CSMD1: variants seen among roughly 807,000 people sequenced by gnomAD.
The protein encoded by CSMD1 is CUB and sushi domain-containing protein 1.
CSMD1 carries 213 observed loss-of-function variants against 417.5 expected under a neutral mutation model. The observed-to-expected ratio is 0.51, with a 90% CI of 0.46 to 0.57. The LOEUF (loss-of-function observed/expected upper bound fraction) is 0.57. Among genes scored for constraint, CSMD1 ranks in the 20% least tolerant of loss-of-function variants. The pLI is 0.00. For missense variants in CSMD1, 6,923 were observed against 4,529.7 expected, an observed-to-expected ratio of 1.53 and a Z score of -15.17; for synonymous variants, 2,862 against 1,736.8, an observed-to-expected ratio of 1.65 and a Z score of -16.11.
At chr8:3,409,923 G>A (rs914331738) in intron 12 of CSMD1, among the ~76,000 whole-genome samples, 2 of 152,168 alleles carry the variant, frequency 1.3e-5, no homozygotes, top group Non-Finnish European at 2.9e-5. Context: ...ATCTGCAATT[G>A]CTACTACTAA....
intron 26 of CSMD1, among the ~76,000 whole-genome samples, chr8:3,283,520 C>G (rs190769957): frequency 6.8e-6 from 1 of 146,252 alleles, no homozygotes; most frequent in East Asian, 2.1e-4. Context: ...CAAAATTTTC[C>G]TTTGATACTG....
intron 3 of CSMD1, among the ~76,000 whole-genome samples, chr8:4,288,379 C>G (rs1308365497): frequency 1.3e-5 from 2 of 152,166 alleles, no homozygotes; most frequent in Non-Finnish European, 2.9e-5. Context: ...GAGAGGCTAT[C>G]TTACAAGAAT....
intron 3 of CSMD1, among the ~76,000 whole-genome samples, chr8:4,282,554 G>A (rs566988784): frequency 1.3e-5 from 2 of 152,288 alleles, no homozygotes; most frequent in South Asian, 2.1e-4. Context: ...GTTTTTCTAT[G>A]CAGCACCATA....
At chr8:4,536,845 C>T (rs1375815860) in intron 2 of CSMD1, among the ~76,000 whole-genome samples, 4 of 152,158 alleles carry the variant, frequency 2.6e-5, no homozygotes, top group Admixed American at 2.6e-4. Context: ...AGGGGTGTCA[C>T]CTTTTGCATT....
chr8:3,728,615 T>C (rs542452794), intron 6 of CSMD1, among the ~76,000 whole-genome samples: 2 of 152,224 alleles, frequency 1.3e-5, no homozygotes, highest in South Asian at 2.1e-4. Context: ...AGGGCATCTG[T>C]GGTAGAGACC....
intron 7 of CSMD1, among the ~76,000 whole-genome samples, chr8:3,643,891 C>A (rs1444505103): frequency 6.6e-6 from 1 of 152,036 alleles, no homozygotes; most frequent in African/African-American, 2.4e-5. Flanking sequence ...ATTTGATTTG[C>A]TATCTGGGCA....
At chr8:4,071,889 A>C (rs1423069076) in intron 3 of CSMD1, among the ~76,000 whole-genome samples, 2 of 152,244 alleles carry the variant, frequency 1.3e-5, no homozygotes, top group Non-Finnish European at 2.9e-5. Context: ...CCCATTTGGA[A>C]TCTGCTCCAC....
chr8:3,644,996 ATTG>A (rs1325453908), intron 7 of CSMD1, among the ~76,000 whole-genome samples: 79 of 146,702 alleles, frequency 5.4e-4, no homozygotes, highest in African/African-American at 1.8e-3. Context: ...AAAAAAGTCA[ATTG>A]TTCTTTCAAA....
At chr8:3,513,526 T>G (rs1330449211) in intron 10 of CSMD1, among the ~76,000 whole-genome samples, 1 of 152,126 alleles carries the variant, frequency 6.6e-6, no homozygotes, top group Non-Finnish European at 1.5e-5. Flanking sequence ...AATAAAATCC[T>G]CTTTATATAT....
chr8:4,486,451 T>C (rs867363207), intron 2 of CSMD1, among the ~76,000 whole-genome samples: 1 of 151,464 alleles, frequency 6.6e-6, no homozygotes, highest in Non-Finnish European at 1.5e-5. Context: ...AACTACTATA[T>C]ATTTTAAAAA....
At chr8:3,715,644 G>A (rs377051081) in intron 6 of CSMD1, among the ~76,000 whole-genome samples, 1 of 152,188 alleles carries the variant, frequency 6.6e-6, no homozygotes, top group East Asian at 1.9e-4. Flanking sequence ...CCGGGTTCAA[G>A]TGATTCTCCT....
intron 10 of CSMD1, among the ~76,000 whole-genome samples, chr8:3,541,380 G>A (rs914846038): frequency 6.6e-6 from 1 of 152,128 alleles, no homozygotes; most frequent in African/African-American, 2.4e-5. Flanking sequence ...CTGTTGAGGG[G>A]AGCTGGGGAG....
Position 3,343,238 on chromosome 8 carries a change from T to A in CSMD1, c.3631+56A>T, listed in dbSNP as rs780409865. 3 of 1,445,106 alleles carry A rather than the reference T, an allele frequency of 2.1e-6. No individual in the cohort carries two copies. In the East Asian group the frequency reaches 6.9e-5, roughly 33 times the overall value. The allele number at this position is 1,445,106 out of a possible 1,614,324, so 89.5% of individuals were successfully genotyped here. A position where few individuals can be genotyped will look rare whatever the true frequency, so the allele number is the denominator to read the frequency against. ...TTTAAAACTTAATATAAGCCAAGTA[T>A]CAGATATGTCCTGACAAAATGAAAA... On this transcript the variant is annotated intron_variant, in intron 23 of 69. Transcript: ENST00000635120.
intron 1 of CSMD1, among the ~76,000 whole-genome samples, chr8:4,899,955 G>C (rs1311721535): frequency 3.3e-5 from 5 of 152,188 alleles, no homozygotes; most frequent in African/African-American, 9.7e-5. Flanking sequence ...TTAAGAAATA[G>C]TTGTTAAATA....
At chr8:4,170,990 G>A (rs188143139) in intron 3 of CSMD1, among the ~76,000 whole-genome samples, 1 of 151,868 alleles carries the variant, frequency 6.6e-6, no homozygotes, top group African/African-American at 2.4e-5. Flanking sequence ...GAGACTGTAA[G>A]TTCACACCTT....
At chr8:4,308,000 G>A (rs970045669) in intron 3 of CSMD1, among the ~76,000 whole-genome samples, 4 of 152,144 alleles carry the variant, frequency 2.6e-5, no homozygotes, top group Non-Finnish European at 5.9e-5. Flanking sequence ...AGGCTGGGAT[G>A]TAAACAGTGA....
intron 25 of CSMD1, among the ~76,000 whole-genome samples, chr8:3,296,491 G>C (rs1290701661): frequency 2.0e-5 from 3 of 152,208 alleles, no homozygotes; most frequent in African/African-American, 7.2e-5. Context: ...GGGATTTTAA[G>C]GATGATATAC....
chr8:4,483,087 T>C (rs1207807071), intron 2 of CSMD1, among the ~76,000 whole-genome samples: 1 of 152,156 alleles, frequency 6.6e-6, no homozygotes, highest in East Asian at 1.9e-4. Context: ...GGGAGATAAT[T>C]GAATGACAGG....
At chr8:4,461,676 G>C (rs1182335987) in intron 2 of CSMD1, among the ~76,000 whole-genome samples, 1 of 150,018 alleles carries the variant, frequency 6.7e-6, no homozygotes, top group Admixed American at 6.6e-5. Context: ...TCAGCCTGCT[G>C]TATAGCTGGG....
Sources: allele counts gnomAD v4.1 joint callset (sites outside exome capture counted in the v4.1 genomes callset), GRCh38; gene constraint gnomAD v4.1.1; transcripts MANE v1.5; gene names NCBI Gene and HGNC (gene_info 2026-07-23, HGNC 2026-07-21).